The following TTC6 variants were observed in gnomAD, a reference collection of about 807,000 sequenced individuals.
TTC6 encodes tetratricopeptide repeat domain 6.
Under a neutral mutation model 210.4 loss-of-function variants are expected in TTC6, and 172 were observed. That is an observed-to-expected ratio of 0.82 (90% CI 0.72 to 0.93). TTC6 has a LOEUF of 0.93. TTC6 is among the 40% of genes least tolerant of loss of function. The pLI, the probability that TTC6 is intolerant of heterozygous loss-of-function variation, is 0.00. For missense variants in TTC6, 2,414 were observed against 2,318.1 expected (o/e 1.04, Z -0.85); for synonymous variants, 804 against 819.6 (o/e 0.98, Z 0.32).
At chr14:37,751,129 A>G (rs1349658979) in exon 13 of TTC6, 2 of 1,533,406 alleles carry the variant, frequency 1.3e-6, no homozygotes, top group Admixed American at 3.9e-5. Flanking sequence ...ATACCCAGGC[A>G]ATTAAATCCA....
At position 37,753,184 on chromosome 14, in the gene TTC6, T is replaced by G. The variant is rs757617411; in HGVS notation, c.3215T>G (p.Ile1072Arg). 2.0e-5 allele frequency: 30 copies of G among 1,535,386 alleles called. 1 individual carries two copies. In the South Asian group the frequency reaches 3.3e-4, roughly 17 times the overall value. The change falls in exon 14 of 31, where the codon ATA becomes AGA. Residue 1072 changes from isoleucine (I) to arginine (R), a missense_variant. Transcript: ENST00000553443. ...GAAAATGAAAACTGGTTTGCAGCCA[T>G]AGAGGATTTTACAGCCTTGTTAAAT...
intron 14 of TTC6, among the ~76,000 whole-genome samples, chr14:37,761,837 G>A (rs1420935935): frequency 6.6e-6 from 1 of 151,992 alleles, no homozygotes; most frequent in Non-Finnish European, 1.5e-5. Context: ...CATATTTATG[G>A]GATACAAAGT....
intron 14 of TTC6, among the ~76,000 whole-genome samples, chr14:37,783,758 A>T (rs1013633932): frequency 6.8e-6 from 1 of 147,538 alleles, no homozygotes; most frequent in Non-Finnish European, 1.5e-5. Context: ...GCTTTCTCTT[A>T]TGGGCATTTA....
upstream of TTC6, chr14:37,622,030 T>C: frequency 7.0e-7 from 1 of 1,438,318 alleles, no homozygotes; most frequent in Non-Finnish European, 9.2e-7. Flanking sequence ...ATGTGATTGT[T>C]TTGGGGGCTT....
intron 1 of TTC6, among the ~76,000 whole-genome samples, chr14:37,645,808 A>G (rs1453106914): frequency 1.3e-5 from 2 of 152,206 alleles, no homozygotes; most frequent in African/African-American, 4.8e-5. Context: ...CAACTGGGGC[A>G]GTGGTTCTCA....
At chr14:37,809,817 C>T (rs1330096201) in intron 24 of TTC6, among the ~76,000 whole-genome samples, 1 of 152,092 alleles carries the variant, frequency 6.6e-6, no homozygotes, top group Non-Finnish European at 1.5e-5. Context: ...CGGTTTGGTC[C>T]CTTTTCAATG....
At chr14:37,774,017 G>A (rs2096029219) in intron 14 of TTC6, among the ~76,000 whole-genome samples, 1 of 151,936 alleles carries the variant, frequency 6.6e-6, no homozygotes. Flanking sequence ...TTCCTACTGT[G>A]GCTATTGTGA....
At chr14:37,596,315 G>A (rs1457735175) in intron 1 of TTC6, among the ~76,000 whole-genome samples, 1 of 152,256 alleles carries the variant, frequency 6.6e-6, no homozygotes, top group Non-Finnish European at 1.5e-5. Flanking sequence ...CAAGGGCCTG[G>A]GCGCGGGAAC....
intron 5 of TTC6, among the ~76,000 whole-genome samples, chr14:37,710,285 C>G (rs1435725101): frequency 6.6e-6 from 1 of 152,080 alleles, no homozygotes; most frequent in Non-Finnish European, 1.5e-5. Context: ...GGAGGGAGAT[C>G]CCTTCTCCAT....
At chr14:37,755,300 T>A (rs1412354116) in intron 14 of TTC6, among the ~76,000 whole-genome samples, 2 of 152,210 alleles carry the variant, frequency 1.3e-5, no homozygotes, top group Non-Finnish European at 2.9e-5. Flanking sequence ...ATGAATAGAT[T>A]GCAAAAATTT....
intron 7 of TTC6, among the ~76,000 whole-genome samples, chr14:37,730,901 A>G (rs1003810203): frequency 6.6e-6 from 1 of 152,194 alleles, no homozygotes; most frequent in African/African-American, 2.4e-5. Flanking sequence ...CATCAGATAA[A>G]TACATGCCAG....
chr14:37,835,587 A>G lies in TTC6; in HGVS notation c.5299-5858A>G, dbSNP rs576630715. 1.5e-3 allele frequency among the ~76,000 whole-genome samples: 227 copies of G among 152,260 alleles called. 1 individual carries two copies. The highest frequency in any genetic ancestry group is 2.5e-3 in the Non-Finnish European group (171 of 68,018). On this transcript the variant is annotated intron_variant, in intron 29 of 30. Coordinates refer to ENST00000553443, the Ensembl canonical transcript of TTC6. ...GTAGATTTTGATAGTATGTAATCCT[A>G]TCTATTGATTATATCTTCTCCATGG...
intron 14 of TTC6, among the ~76,000 whole-genome samples, chr14:37,780,729 G>A (rs7152871): frequency 0.84 from 127,032 of 152,126 alleles, 53,211 homozygotes; most frequent in Admixed American, 0.85. Context: ...TGCTGCACCC[G>A]TCAACCCATC....
intron 6 of TTC6, among the ~76,000 whole-genome samples, chr14:37,719,887 G>T (rs2095858599): frequency 6.6e-6 from 1 of 151,792 alleles, no homozygotes; most frequent in Non-Finnish European, 1.5e-5. Flanking sequence ...CTCTACAAAA[G>T]ACCCTGTTAA....
At chr14:37,596,474 C>T (rs1187650944) in intron 1 of TTC6, among the ~76,000 whole-genome samples, 1 of 152,258 alleles carries the variant, frequency 6.6e-6, no homozygotes, top group Non-Finnish European at 1.5e-5. Context: ...GGAGAGTCTT[C>T]CCAACGCAAA....
At chr14:37,802,732 T>A (rs2096109701) in intron 20 of TTC6, among the ~76,000 whole-genome samples, 1 of 93,992 alleles carries the variant, frequency 1.1e-5, no homozygotes, top group South Asian at 4.2e-4. Context: ...GACTTTCTTT[T>A]TTCTCTTTTT....
At chr14:37,751,027 A>C (rs1360947172) in intron 12 of TTC6, 26 bp from the exon 15 acceptor site, 1 of 1,468,276 alleles carries the variant, frequency 6.8e-7, no homozygotes, top group Admixed American at 2.2e-5. Flanking sequence ...TATAACTCCA[A>C]ATTTTATCTT....
intron 3 of TTC6, among the ~76,000 whole-genome samples, chr14:37,689,502 C>T (rs139861632): frequency 1.8e-4 from 27 of 151,992 alleles, no homozygotes; most frequent in South Asian, 6.3e-4. Flanking sequence ...AACCCAAAGA[C>T]GGCTACTTCA....
exon 1 of TTC6, chr14:37,622,389 C>T: frequency 2.0e-6 from 3 of 1,532,506 alleles, no homozygotes; most frequent in Non-Finnish European, 2.6e-6. Context: ...GGCGGCGGCT[C>T]CAGGCAAGAC....
Sources: gnomAD v4.1 joint callset for allele counts (sites outside exome capture counted in the v4.1 genomes callset) on GRCh38, gnomAD v4.1.1 for gene constraint, MANE v1.5 for transcripts, NCBI Gene and HGNC (gene_info 2026-07-23, HGNC 2026-07-21) for gene names.